The following WDR1 variants were observed in gnomAD, a reference collection of about 807,000 sequenced individuals.
WDR1 encodes WD repeat domain 1.
WDR1 carries 21 observed loss-of-function variants against 71.9 expected under a neutral mutation model. The observed-to-expected ratio is 0.29, with a 90% CI of 0.21 to 0.42. The LOEUF (loss-of-function observed/expected upper bound fraction) is 0.42. Ranked by LOEUF, WDR1 falls within the 10% of genes least tolerant of loss-of-function variation. WDR1 has a pLI of 1.00. For synonymous variants in WDR1, 424 were observed against 347.4 expected, an observed-to-expected ratio of 1.22 and a Z score of -2.45; for missense variants, 696 against 824.5, an observed-to-expected ratio of 0.84 and a Z score of 1.91.
intron 13 of WDR1, 28 bp from the exon 14 acceptor site, chr4:10,077,476 T>A (rs369949816): frequency 5.0e-5 from 81 of 1,613,680 alleles, no homozygotes; most frequent in African/African-American, 1.6e-4. Flanking sequence ...ACAAGAGAGG[T>A]GGCAGGTCAG....
At chr4:10,076,942 G>A (rs1307708952) in intron 14 of WDR1, 1 of 213,046 alleles carries the variant, frequency 4.7e-6, no homozygotes, top group African/African-American at 2.3e-5. Context: ...TGGCTACCAG[G>A]AAATTTCAAC....
chr4:10,112,652 G>T (rs917395306), intron 2 of WDR1, among the ~76,000 whole-genome samples: 1 of 152,200 alleles, frequency 6.6e-6, no homozygotes. Flanking sequence ...CGCCTCTTAG[G>T]TATGAAAGGC....
chr4:10,091,243 C>T (rs1711958383), intron 5 of WDR1, among the ~76,000 whole-genome samples: 1 of 152,232 alleles, frequency 6.6e-6, no homozygotes, highest in South Asian at 2.1e-4. Context: ...TCTTTAGTTC[C>T]TTTTGTACCT....
At chr4:10,112,499 G>A (rs1239957346) in intron 2 of WDR1, among the ~76,000 whole-genome samples, 1 of 152,158 alleles carries the variant, frequency 6.6e-6, no homozygotes, top group Non-Finnish European at 1.5e-5. Flanking sequence ...GTGAGGCAAC[G>A]AGATGTGTTG....
chr4:10,113,802 G>A (rs533968744), intron 2 of WDR1, among the ~76,000 whole-genome samples: 1 of 152,248 alleles, frequency 6.6e-6, no homozygotes, highest in African/African-American at 2.4e-5. Context: ...GCGAAGCAGA[G>A]AGTGAAACAG....
At chr4:10,082,777 C>T (rs1230989138) in intron 10 of WDR1, among the ~76,000 whole-genome samples, 1 of 152,230 alleles carries the variant, frequency 6.6e-6, no homozygotes, top group African/African-American at 2.4e-5. Context: ...TCTGCTGCCC[C>T]TGCTTCCAGG....
chr4:10,080,494 C>A (rs1315021937), intron 11 of WDR1, among the ~76,000 whole-genome samples: 2 of 152,238 alleles, frequency 1.3e-5, no homozygotes, highest in Non-Finnish European at 2.9e-5. Flanking sequence ...GCAGGGATTT[C>A]TTATTATCTA....
chr4:10,091,147 G>A (rs572056671), intron 5 of WDR1, among the ~76,000 whole-genome samples: 8 of 152,384 alleles, frequency 5.2e-5, no homozygotes, highest in Admixed American at 2.6e-4. Flanking sequence ...GAGATGGAAC[G>A]GGGAACACAG....
At chr4:10,080,180 T>A (rs1473781941) in intron 11 of WDR1, among the ~76,000 whole-genome samples, 1 of 152,166 alleles carries the variant, frequency 6.6e-6, no homozygotes, top group African/African-American at 2.4e-5. Flanking sequence ...GCTGGGCCAG[T>A]CTGAACATCC....
intron 2 of WDR1, among the ~76,000 whole-genome samples, chr4:10,106,767 G>A (rs944436650): frequency 1.3e-5 from 2 of 152,152 alleles, no homozygotes; most frequent in Admixed American, 6.5e-5. Flanking sequence ...CAGCGGTGGG[G>A]GCTGAGATAC....
At chr4:10,102,917 A>C (rs1302930840) in intron 3 of WDR1, among the ~76,000 whole-genome samples, 1 of 107,152 alleles carries the variant, frequency 9.3e-6, no homozygotes, top group African/African-American at 2.7e-5. Context: ...CAAGGCAGGC[A>C]GTAAGTATCT....
chr4:10,090,622 C>A (rs1329794527), intron 5 of WDR1, among the ~76,000 whole-genome samples: 13 of 152,222 alleles, frequency 8.5e-5, no homozygotes, highest in Non-Finnish European at 2.9e-5. Context: ...TCAGGTAAGC[C>A]CTCCTCAGGG....
intron 5 of WDR1, among the ~76,000 whole-genome samples, chr4:10,089,037 T>C (rs4351020): frequency 1 from 152,105 of 152,232 alleles, 75,989 homozygotes; most frequent in East Asian, 1. Flanking sequence ...CCCCAGCAGC[T>C]GCCCTCTTCC....
intron 5 of WDR1, chr4:10,092,694 G>C: frequency 3.8e-6 from 1 of 266,000 alleles, no homozygotes; most frequent in Non-Finnish European, 7.6e-6. Flanking sequence ...GAGAGAAGCC[G>C]CGAAAAGCCC....
chr4:10,080,000 C>T (rs1302941426), intron 11 of WDR1, among the ~76,000 whole-genome samples: 1 of 152,124 alleles, frequency 6.6e-6, no homozygotes, highest in East Asian at 1.9e-4. Context: ...TGACAGGGAG[C>T]TCTGCAGAAA....
In WDR1 at chr4:10,095,347, A is replaced by G. The variant is rs551266117; in HGVS notation, c.558+2364T>C. On this transcript the variant is annotated intron_variant, in intron 5 of 14. Transcript: ENST00000499869. The stretch of plus-strand genomic sequence containing the variant: ...TGGTTTTAAAATCTTTTACTATAAC[A>G]GGCTCAATTAATTCCTGAGAACTTC... 3.4e-3 allele frequency among the ~76,000 whole-genome samples: 517 copies of G among 152,374 alleles called. 4 individuals carry two copies. Among genetic ancestry groups the G allele is most frequent in the African/African-American group, 0.011 (465 of 41,588 alleles).
At chr4:10,111,790 A>G (rs1370404690) in intron 2 of WDR1, among the ~76,000 whole-genome samples, 1 of 148,702 alleles carries the variant, frequency 6.7e-6, no homozygotes, top group African/African-American at 2.5e-5. Context: ...TGAGCCCAAT[A>G]CCCTCCCCAA....
intron 2 of WDR1, among the ~76,000 whole-genome samples, chr4:10,105,308 T>C (rs1293334239): frequency 1.3e-5 from 2 of 152,172 alleles, no homozygotes; most frequent in Non-Finnish European, 2.9e-5. Context: ...TTTATCTCAC[T>C]AGCCATCTCA....
rs1223304903 is a variant in WDR1 at position 10,074,622 on chromosome 4, C to T, written c.*756G>A. 2.6e-5 allele frequency: 4 copies of T among 152,630 alleles called. No individual in the cohort carries two copies. The highest frequency in any genetic ancestry group is 1.3e-4 in the Admixed American group (2 of 15,280). The allele number at this position is 152,630 out of a possible 1,614,324, so 9.5% of individuals were successfully genotyped here. Reference sequence around the variant, plus strand: ...AGAAGAGGGAAAGACAGGGGAACATCAAAGCATGATGGTGAAACGGTGACC... The same window carrying T: ...AGAAGAGGGAAAGACAGGGGAACATTAAAGCATGATGGTGAAACGGTGACC... On this transcript the variant is annotated 3_prime_UTR_variant, in exon 15 of 15. Transcript: ENST00000499869.
Sources: gnomAD v4.1 joint callset for allele counts (sites outside exome capture counted in the v4.1 genomes callset) on GRCh38, gnomAD v4.1.1 for gene constraint, MANE v1.5 for transcripts, NCBI Gene and HGNC (gene_info 2026-07-23, HGNC 2026-07-21) for gene names.